TNNI3K: variants seen among roughly 807,000 people sequenced by gnomAD.
TNNI3K encodes serine/threonine-protein kinase TNNI3K.
A neutral mutation model predicts 114.5 loss-of-function variants in TNNI3K; 140 were observed. That is an observed-to-expected ratio of 1.22 (90% CI 1.07 to 1.41). The LOEUF (loss-of-function observed/expected upper bound fraction) is 1.41, where lower values mean the gene tolerates loss of function less well. Ranked by LOEUF, TNNI3K falls within the 40% of genes most tolerant of loss-of-function variation. The probability of loss-of-function intolerance (pLI) is 0.00; values close to 1 mark genes in which losing one functional copy is unlikely to be tolerated. For missense variants in TNNI3K, 1,125 were observed against 1,007.6 expected, an observed-to-expected ratio of 1.12 and a Z score of -1.58; for synonymous variants, 347 against 347.5, an observed-to-expected ratio of 1.00 and a Z score of 0.02.
intron 20 of TNNI3K, among the ~76,000 whole-genome samples, chr1:74,449,738 C>G (rs1178347228): frequency 6.6e-6 from 1 of 151,340 alleles, no homozygotes; most frequent in Non-Finnish European, 1.5e-5. Flanking sequence ...AATACAGGAG[C>G]ACCCAAATTC....
Position 74,493,828 on chromosome 1 carries a change from G to A in TNNI3K, c.2351+1562G>A, listed in dbSNP as rs1239596239. Among the ~76,000 whole-genome samples, 3 of 152,192 alleles carry A rather than the reference G, an allele frequency of 2.0e-5. No individual in the cohort carries two copies. The East Asian group carries it at 5.8e-4, about 29-fold the overall frequency. ...ATGCACATTTAAAGCCTTTGCTCAA[G>A]TTGTATCCTCTGACAACATTCCATT... is the stretch of plus-strand genomic sequence containing the variant. On this transcript the variant is annotated intron_variant, in intron 23 of 24. Coordinates refer to ENST00000326637, the MANE Select transcript of TNNI3K (RefSeq NM_015978.3).
chr1:74,380,408 A>G (rs1663139813), intron 17 of TNNI3K, among the ~76,000 whole-genome samples: 1 of 152,126 alleles, frequency 6.6e-6, no homozygotes, highest in Non-Finnish European at 1.5e-5. Context: ...TCTTTCCTTA[A>G]TACAACACTC....
chr1:74,525,853 A>T (rs1304831036), intron 23 of TNNI3K, among the ~76,000 whole-genome samples: 2 of 152,190 alleles, frequency 1.3e-5, no homozygotes, highest in Non-Finnish European at 2.9e-5. Flanking sequence ...ACAGCACATC[A>T]CACCAGAGTG....
At position 74,342,887 on chromosome 1, in the gene TNNI3K, C is replaced by G. The variant is rs201060802; in HGVS notation, c.728C>G (p.Ser243Cys). 7.4e-6 allele frequency: 12 copies of G among 1,613,698 alleles called. No individual in the cohort carries two copies. Among genetic ancestry groups the G allele is most frequent in the Admixed American group, 3.3e-5 (2 of 59,924 alleles). Residue 243 changes from serine to cysteine, a missense_variant, in exon 8 of 25, where the codon TCT (serine) becomes TGT (cysteine). Ser to Cys is a moderately radical substitution (Grantham distance 112). Coordinates refer to ENST00000326637, the MANE Select transcript of TNNI3K (RefSeq NM_015978.3). ...NEDHVPLHFC[S>C]RFGHHDIVKY... is the part of the protein sequence containing the mutation. The stretch of plus-strand genomic sequence containing the variant: ...GACCATGTCCCACTCCATTTCTGTT[C>G]TCGATTTGGACACCATGATATAGTT...
intron 17 of TNNI3K, among the ~76,000 whole-genome samples, chr1:74,399,029 G>A (rs1333771290): frequency 2.6e-5 from 4 of 151,566 alleles, no homozygotes; most frequent in Non-Finnish European, 4.4e-5. Context: ...GGTGGCGGGC[G>A]CCTGTAATCC....
At chr1:74,270,423 A>G (rs1175828259) in intron 4 of TNNI3K, among the ~76,000 whole-genome samples, 1 of 151,788 alleles carries the variant, frequency 6.6e-6, no homozygotes, top group East Asian at 1.9e-4. Context: ...TTTATAGTTC[A>G]AGCATATAGA....
rs1206130099 is a variant in TNNI3K at position 74,436,538 on chromosome 1, C to T, written c.1878+12C>T. 1.3e-6 allele frequency: 2 copies of T among 1,581,990 alleles called. No individual in the cohort carries two copies. Among genetic ancestry groups the T allele is most frequent in the Non-Finnish European group, 1.7e-6 (2 of 1,171,096 alleles). Reference sequence around the variant, plus strand: ...CAAAACAACCTGGGGTTTGCTGCTGCTTGTGTTTCCTATAATTATAAACCA... The same window carrying T: ...CAAAACAACCTGGGGTTTGCTGCTGTTTGTGTTTCCTATAATTATAAACCA... On this transcript the variant is annotated intron_variant, in intron 19 of 24. Coordinates refer to ENST00000326637, the MANE Select transcript of TNNI3K (RefSeq NM_015978.3).
chr1:74,380,851 G>T (rs1663166504), intron 17 of TNNI3K, among the ~76,000 whole-genome samples: 1 of 152,072 alleles, frequency 6.6e-6, no homozygotes, highest in Non-Finnish European at 1.5e-5. Flanking sequence ...ACCCTTGCTT[G>T]CTGAGATTGA....
intron 11 of TNNI3K, among the ~76,000 whole-genome samples, chr1:74,358,736 A>G (rs1026051660): frequency 2.6e-5 from 4 of 152,022 alleles, no homozygotes; most frequent in Non-Finnish European, 4.4e-5. Context: ...TTATCTTCTT[A>G]CATGTTTAGC....
At chr1:74,532,085 A>G (rs937861528) in intron 23 of TNNI3K, among the ~76,000 whole-genome samples, 2 of 152,220 alleles carry the variant, frequency 1.3e-5, no homozygotes, top group African/African-American at 2.4e-5. Context: ...AACATAGCCC[A>G]GGCTGTGTTT....
intron 5 of TNNI3K, among the ~76,000 whole-genome samples, chr1:74,293,877 G>T: frequency 6.6e-6 from 1 of 151,472 alleles, no homozygotes; most frequent in East Asian, 1.9e-4. Context: ...TCTATTGTTT[G>T]CTAAGAATTT....
chr1:74,364,819 C>G (rs1324862036), intron 11 of TNNI3K, among the ~76,000 whole-genome samples: 2 of 152,026 alleles, frequency 1.3e-5, no homozygotes, highest in Non-Finnish European at 2.9e-5. Flanking sequence ...GCCTATAAAA[C>G]TTGGAAAAGT....
At chr1:74,411,159 A>C (rs1664860639) in intron 17 of TNNI3K, among the ~76,000 whole-genome samples, 1 of 152,160 alleles carries the variant, frequency 6.6e-6, no homozygotes. Flanking sequence ...TGATGTCTAT[A>C]TACTGTAGAT....
At chr1:74,325,501 T>A (rs1279326455) in intron 5 of TNNI3K, among the ~76,000 whole-genome samples, 1 of 152,186 alleles carries the variant, frequency 6.6e-6, no homozygotes, top group Non-Finnish European at 1.5e-5. Flanking sequence ...AAGTCCTGCT[T>A]GTGGTATAAG....
intron 18 of TNNI3K, 111 bp downstream of exon 18, chr1:74,436,243 C>CTTTT: frequency 7.3e-7 from 1 of 1,364,678 alleles, no homozygotes. Context: ...CTATACTACA[C>CTTTT]TGAACACTGA....
chr1:74,297,756 T>C (rs936539103), intron 5 of TNNI3K, among the ~76,000 whole-genome samples: 1 of 152,092 alleles, frequency 6.6e-6, no homozygotes. Context: ...TGGTCTATAA[T>C]TTTTTGTATT....
intron 24 of TNNI3K, among the ~76,000 whole-genome samples, chr1:74,540,619 A>C (rs1017540657): frequency 1.3e-5 from 2 of 151,982 alleles, no homozygotes; most frequent in Non-Finnish European, 2.9e-5. Context: ...AAAAAAAAAA[A>C]AACTCCTTCC....
intron 23 of TNNI3K, among the ~76,000 whole-genome samples, chr1:74,533,913 T>C (rs1006960059): frequency 6.6e-6 from 1 of 152,194 alleles, no homozygotes; most frequent in African/African-American, 2.4e-5. Context: ...AGAAAGAGTA[T>C]GGAATGAAAG....
intron 5 of TNNI3K, among the ~76,000 whole-genome samples, chr1:74,288,018 C>T (rs1657439884): frequency 6.6e-6 from 1 of 151,940 alleles, no homozygotes. Context: ...CAGGGAAATG[C>T]AAATTAAAAC....
Sources: allele counts gnomAD v4.1 joint callset (sites outside exome capture counted in the v4.1 genomes callset), GRCh38; gene constraint gnomAD v4.1.1; transcripts MANE v1.5; gene names NCBI Gene and HGNC (gene_info 2026-07-23, HGNC 2026-07-21).